The following IL7 variants were observed in gnomAD, a reference collection of about 807,000 sequenced individuals.
IL7 encodes interleukin 7.
Under a neutral mutation model 21.6 loss-of-function variants are expected in IL7, and 3 were observed. The ratio of observed to expected loss-of-function variants is 0.14; its 90% CI spans 0.06 to 0.36. The LOEUF is 0.36. Among genes scored for constraint, IL7 ranks in the 10% least tolerant of loss-of-function variants. IL7 has a pLI of 1.00. For synonymous variants in IL7, 62 were observed against 68.1 expected (o/e 0.91, Z 0.44); for missense variants, 175 against 200.2 (o/e 0.87, Z 0.76).
At chr8:78,744,105 G>A (rs949290926) in intron 2 of IL7, among the ~76,000 whole-genome samples, 3 of 152,008 alleles carry the variant, frequency 2.0e-5, no homozygotes, top group Non-Finnish European at 4.4e-5. Flanking sequence ...CCATGCTTTT[G>A]TAGAGCAGCT....
intron 2 of IL7, chr8:78,762,049 T>C (rs1480283699): frequency 6.2e-7 from 1 of 1,602,652 alleles, no homozygotes; most frequent in African/African-American, 1.3e-5. Flanking sequence ...TATGTTTTTG[T>C]TCCTGCTCAG....
rs78701869 is a variant in IL7, at chr8:78,697,110, G to A, written n.215-11163C>T. ...TCAATTTGTATAATTCAGTAGAAAA[G>A]ACTGTTCATTTAAGGGAATGTGAGC... On this transcript the variant is annotated intron_variant and non_coding_transcript_variant, in intron 3 of 4. Coordinates refer to the IL7 transcript ENST00000523959. 3.1e-4 allele frequency among the ~76,000 whole-genome samples: 47 copies of A among 152,266 alleles called. 1 individual carries two copies. The East Asian group carries it at 8.9e-3, about 29-fold the overall frequency.
chr8:78,784,597 T>G (rs938380436), intron 2 of IL7, among the ~76,000 whole-genome samples: 1 of 152,240 alleles, frequency 6.6e-6, no homozygotes, highest in South Asian at 2.1e-4. Flanking sequence ...ACTCAGTCAG[T>G]CAATAAATAT....
chr8:78,792,175 AT>A (rs1813719866), intron 2 of IL7, among the ~76,000 whole-genome samples: 1 of 152,102 alleles, frequency 6.6e-6, no homozygotes, highest in Non-Finnish European at 1.5e-5. Context: ...GTGTCCAGAC[AT>A]TCAATGAGGG....
At chr8:78,696,333 C>A (rs1028654243) in intron 3 of IL7, among the ~76,000 whole-genome samples, 1 of 152,116 alleles carries the variant, frequency 6.6e-6, no homozygotes, top group African/African-American at 2.4e-5. Flanking sequence ...CGTGCCCAGC[C>A]CGTTAAAACC....
downstream of IL7, among the ~76,000 whole-genome samples, chr8:78,716,382 CA>C (rs2130618547): frequency 6.6e-6 from 1 of 152,130 alleles, no homozygotes; most frequent in African/African-American, 2.4e-5. Context: ...CTTGGCCTCC[CA>C]AAGTGCTGGG....
chr8:78,703,636 ATTT>A lies in IL7; in HGVS notation n.215-17692_215-17690del, dbSNP rs1195689428. On this transcript the variant is annotated intron_variant and non_coding_transcript_variant, in intron 3 of 4. Coordinates refer to the IL7 transcript ENST00000523959. Reference sequence around the variant, plus strand: ...TTTCTGTTTTCCATTTGCTTGGTAAATTTTTCTCCATCCCTTTATTTTGATCCC... The same window carrying A: ...TTTCTGTTTTCCATTTGCTTGGTAAATTCTCCATCCCTTTATTTTGATCCC... 2.7e-5 allele frequency among the ~76,000 whole-genome samples: 4 copies of A among 149,318 alleles called. No homozygotes were observed. In the Admixed American group the frequency reaches 2.7e-4, roughly 10 times the overall value.
At chr8:78,714,009 C>T (rs1037739754), downstream of IL7, among the ~76,000 whole-genome samples, 3 of 152,150 alleles carry the variant, frequency 2.0e-5, no homozygotes, top group African/African-American at 7.2e-5. Context: ...GTACTCTCTC[C>T]TACTTTGCCA....
At chr8:78,761,228 TC>T in intron 2 of IL7, 1 of 1,599,198 alleles carries the variant, frequency 6.3e-7, no homozygotes, top group Non-Finnish European at 8.5e-7. Flanking sequence ...GTTGTCAAGT[TC>T]TAAAAGCAGT....
At chr8:78,716,879 T>G (rs1811124050), downstream of IL7, among the ~76,000 whole-genome samples, 1 of 152,134 alleles carries the variant, frequency 6.6e-6, no homozygotes, top group Non-Finnish European at 1.5e-5. Flanking sequence ...AACTGTATAG[T>G]ACCTGCCCCT....
At chr8:78,787,562 T>A (rs183432622) in intron 2 of IL7, among the ~76,000 whole-genome samples, 3 of 152,308 alleles carry the variant, frequency 2.0e-5, no homozygotes, top group Admixed American at 2.0e-4. Flanking sequence ...TTTAACAATT[T>A]ACCTTTTGTT....
chr8:78,758,052 T>C (rs1411960577), intron 2 of IL7, among the ~76,000 whole-genome samples: 4 of 152,068 alleles, frequency 2.6e-5, no homozygotes, highest in African/African-American at 9.7e-5. Context: ...CCCAGACATG[T>C]GGAACTGTGA....
intron 3 of IL7, among the ~76,000 whole-genome samples, chr8:78,725,449 A>C (rs573324377): frequency 6.6e-6 from 1 of 151,758 alleles, no homozygotes; most frequent in African/African-American, 2.4e-5. Context: ...ACAGCCTCCA[A>C]ACTTGACTAT....
intron 2 of IL7, among the ~76,000 whole-genome samples, chr8:78,747,526 A>AT (rs907701813): frequency 1.2e-4 from 19 of 152,226 alleles, no homozygotes; most frequent in African/African-American, 4.1e-4. Flanking sequence ...TGCGCTGCTT[A>AT]TTTTTTAGAA....
intron 2 of IL7, among the ~76,000 whole-genome samples, chr8:78,779,390 T>G (rs1813240981): frequency 6.6e-6 from 1 of 152,182 alleles, no homozygotes; most frequent in Non-Finnish European, 1.5e-5. Context: ...AAATGGCTCT[T>G]GTTATTTTGA....
chr8:78,777,621 TAATAA>T (rs1044521280), intron 2 of IL7, among the ~76,000 whole-genome samples: 1 of 152,068 alleles, frequency 6.6e-6, no homozygotes, highest in African/African-American at 2.4e-5. Context: ...TATTTTCATG[TAATAA>T]AAATTACTGA....
Position 78,805,053 on chromosome 8 carries a change from T to G in IL7, c.-131A>C. On this transcript the variant is annotated 5_prime_UTR_variant, in exon 1 of 6. Transcript: ENST00000263851. ...AGTCTGTGTTGGGCAGGGTGATCTCTGCAGCTGGTTCCTCTTACCCACGCC... is the reference window on the plus strand; with the variant it reads ...AGTCTGTGTTGGGCAGGGTGATCTCGGCAGCTGGTTCCTCTTACCCACGCC... 2.1e-6 allele frequency: 2 copies of G among 947,474 alleles called. No homozygotes were observed. The highest frequency in any genetic ancestry group is 3.1e-6 in the Non-Finnish European group (2 of 636,114). 58.7% of individuals were successfully genotyped at this position (947,474 alleles called of 1,614,324 possible).
chr8:78,689,328 A>AT, intron 3 of IL7: 1 of 1,603,638 alleles, frequency 6.2e-7, no homozygotes, highest in East Asian at 2.3e-5. Context: ...ATAAAGGGAA[A>AT]TTTTCTACAG....
chr8:78,702,492 G>A (rs1362147875), intron 3 of IL7, among the ~76,000 whole-genome samples: 1 of 151,954 alleles, frequency 6.6e-6, no homozygotes, highest in Non-Finnish European at 1.5e-5. Flanking sequence ...ACTATTTCTT[G>A]TCTTCTGCTA....
Sources: allele counts gnomAD v4.1 joint callset (sites outside exome capture counted in the v4.1 genomes callset), GRCh38; gene constraint gnomAD v4.1.1; transcripts MANE v1.5; gene names NCBI Gene and HGNC (gene_info 2026-07-23, HGNC 2026-07-21).